Variants in VANGL1 observed in about 807,000 individuals in gnomAD.
The protein encoded by VANGL1 is vang-like protein 1.
In VANGL1, 18 loss-of-function variants were observed where a neutral mutation model predicts 48.4. That is an observed-to-expected ratio of 0.37 (90% CI 0.26 to 0.55). VANGL1 has a LOEUF of 0.55. Among genes scored for constraint, VANGL1 ranks in the 20% least tolerant of loss-of-function variants. The pLI, the probability that VANGL1 is intolerant of heterozygous loss-of-function variation, is 0.81. For synonymous variants in VANGL1, 257 were observed against 261.8 expected, an observed-to-expected ratio of 0.98 and a Z score of 0.18; for missense variants, 667 against 675.8, an observed-to-expected ratio of 0.99 and a Z score of 0.14.
rs1278993823 is a variant in VANGL1, at chr1:115,663,808, T to C, written c.352T>C (p.Phe118Leu). The stretch of plus-strand genomic sequence containing the variant: ...CTACCTGGGCCTCACCGTCGCCTCT[T>C]TTCTTGGACTTCTAGTTTTCCTCAC... ...KRYLGLTVAS[F>L]LGLLVFLTPI... is the part of the protein sequence containing the mutation. The change falls in exon 4 of 8, where the codon TTT becomes CTT. Residue 118 changes from phenylalanine (F) to leucine (L), a missense_variant. By Grantham distance (22) the Phe-to-Leu change is conservative. Coordinates refer to ENST00000355485, the MANE Select transcript of VANGL1 (RefSeq NM_138959.3). 1.2e-6 allele frequency: 2 copies of C among 1,614,178 alleles called. No homozygotes were observed. The highest frequency in any genetic ancestry group is 2.2e-5 in the South Asian group (2 of 91,080).
intron 2 of VANGL1, among the ~76,000 whole-genome samples, chr1:115,653,459 A>G (rs1331071383): frequency 1.3e-5 from 2 of 152,180 alleles, no homozygotes; most frequent in Non-Finnish European, 2.9e-5. Context: ...TCCCTTGTCA[A>G]TACCAGGCTT....
chr1:115,662,834 T>G (rs1319958149), intron 3 of VANGL1, among the ~76,000 whole-genome samples: 2 of 151,182 alleles, frequency 1.3e-5, no homozygotes, highest in Non-Finnish European at 2.9e-5. Flanking sequence ...TAGCCCAGGC[T>G]GGAGTACAGT....
At chr1:115,680,565 A>T (rs992417521) in intron 4 of VANGL1, among the ~76,000 whole-genome samples, 1 of 152,230 alleles carries the variant, frequency 6.6e-6, no homozygotes, top group South Asian at 2.1e-4. Context: ...CCAGCCTCAC[A>T]TGACTGTACA....
intron 4 of VANGL1, among the ~76,000 whole-genome samples, chr1:115,681,039 A>G (rs1363400858): frequency 6.6e-6 from 1 of 152,322 alleles, no homozygotes; most frequent in Non-Finnish European, 1.5e-5. Flanking sequence ...GGGAAGCCCA[A>G]CTTGGAGGTT....
At chr1:115,689,589 T>C (rs775711984) in intron 7 of VANGL1, among the ~76,000 whole-genome samples, 3 of 134,678 alleles carry the variant, frequency 2.2e-5, no homozygotes, top group Non-Finnish European at 3.2e-5. Context: ...TGAGCTGAGA[T>C]CGTGCCATTG....
rs10923204 is a variant in VANGL1, at chr1:115,694,402, G to T, written c.*3023G>T. 0.25 allele frequency: 38,135 copies of T among 152,062 alleles called. 4,823 individuals carry two copies. Among genetic ancestry groups the T allele is most frequent in the South Asian group, 0.29 (1,416 of 4,826 alleles). The allele number at this position is 152,062 out of a possible 1,614,324, so 9.4% of individuals were successfully genotyped here. A position where few individuals can be genotyped will look rare whatever the true frequency, so the allele number is the denominator to read the frequency against. ...TTGCTGTGTTGTAGTTCATTGCCTGGGGCTTGGGACTCCTTTTTTAATGGA... is the reference window on the plus strand; with the variant it reads ...TTGCTGTGTTGTAGTTCATTGCCTGTGGCTTGGGACTCCTTTTTTAATGGA... On this transcript the variant is annotated 3_prime_UTR_variant, in exon 8 of 8. Transcript: ENST00000355485.
At chr1:115,691,098 G>T in intron 7 of VANGL1, 21 bp from the exon 8 acceptor site, 1 of 1,614,108 alleles carries the variant, frequency 6.2e-7, no homozygotes, top group Non-Finnish European at 8.5e-7. Context: ...TTCCCTAATG[G>T]CCTTTCTCCT....
intron 4 of VANGL1, among the ~76,000 whole-genome samples, chr1:115,667,609 G>T (rs1652840747): frequency 6.6e-6 from 1 of 152,160 alleles, no homozygotes; most frequent in Non-Finnish European, 1.5e-5. Flanking sequence ...GCACCTTCCT[G>T]TGCATCACAC....
chr1:115,685,215 G>T (rs1469670702), intron 6 of VANGL1, 78 bp from the exon 7 acceptor site: 2 of 1,524,542 alleles, frequency 1.3e-6, no homozygotes, highest in Non-Finnish European at 1.8e-6. Context: ...GGCCGCAGCA[G>T]GGTAGACAAG....
intron 1 of VANGL1, among the ~76,000 whole-genome samples, chr1:115,651,005 G>A (rs932236625): frequency 1.3e-5 from 2 of 152,078 alleles, no homozygotes; most frequent in African/African-American, 4.8e-5. Context: ...GCAGGGGTCA[G>A]GTCATCCTGA....
At position 115,694,840 on chromosome 1, in the gene VANGL1, C is replaced by T. The variant is rs573111934; in HGVS notation, c.*3461C>T. Reference sequence around the variant, plus strand: ...TCAGACATCTTAACATCTGTGTTATCTGTAGCAGGTGTGTAGCTCAGCAGA... The same window carrying T: ...TCAGACATCTTAACATCTGTGTTATTTGTAGCAGGTGTGTAGCTCAGCAGA... On this transcript the variant is annotated 3_prime_UTR_variant, in exon 8 of 8. Transcript: ENST00000355485. 1.3e-5 allele frequency: 2 copies of T among 152,288 alleles called. No homozygotes were observed. The highest frequency in any genetic ancestry group is 3.9e-4 in the East Asian group (2 of 5,186). The allele number at this position is 152,288 out of a possible 1,614,324, so 9.4% of individuals were successfully genotyped here. A position where few individuals can be genotyped will look rare whatever the true frequency, so the allele number is the denominator to read the frequency against.
chr1:115,674,535 TCTATGATGAGAAA>T (rs1653094811), intron 4 of VANGL1, among the ~76,000 whole-genome samples: 1 of 152,230 alleles, frequency 6.6e-6, no homozygotes, highest in Non-Finnish European at 1.5e-5. Flanking sequence ...CAGATTTTAC[TCTATGATGAGAAA>T]ACTTTTTAGT....
chr1:115,691,919 A>G lies in VANGL1; in HGVS notation c.*540A>G, dbSNP rs1653854050. ...TTTGTTGCCTTAGGTTCTTCAGAGA[A>G]AGATCACAACAAAAAATGTACACTG... On this transcript the variant is annotated 3_prime_UTR_variant, in exon 8 of 8. Transcript: ENST00000355485. The G allele has an allele frequency of 6.5e-6, 1 of 154,096 alleles. No homozygotes were observed. 9.5% of individuals were successfully genotyped at this position (154,096 alleles called of 1,614,324 possible). A position where few individuals can be genotyped will look rare whatever the true frequency, so the allele number is the denominator to read the frequency against.
intron 3 of VANGL1, 122 bp from the exon 4 acceptor site, chr1:115,663,539 A>G: frequency 4.4e-6 from 6 of 1,373,106 alleles, no homozygotes; most frequent in South Asian, 1.3e-5. Flanking sequence ...TTAAGCTTTC[A>G]TTTTCTGGAA....
At chr1:115,682,562 C>T in intron 5 of VANGL1, 65 bp downstream of exon 5, 1 of 1,612,056 alleles carries the variant, frequency 6.2e-7, no homozygotes, top group East Asian at 2.2e-5. Flanking sequence ...ATTTAAGATT[C>T]ATGGTACGTT....
chr1:115,661,261 A>G (rs1386676122), intron 3 of VANGL1, among the ~76,000 whole-genome samples: 1 of 152,020 alleles, frequency 6.6e-6, no homozygotes, highest in Non-Finnish European at 1.5e-5. Context: ...GCTTAACAGG[A>G]TCCTTTGTGT....
At chr1:115,676,129 A>G (rs1653157012) in intron 4 of VANGL1, among the ~76,000 whole-genome samples, 1 of 152,158 alleles carries the variant, frequency 6.6e-6, no homozygotes, top group African/African-American at 2.4e-5. Flanking sequence ...AACCACATGC[A>G]GTGGTTGGTG....
chr1:115,673,004 A>G (rs1479727210), intron 4 of VANGL1, among the ~76,000 whole-genome samples: 1 of 152,228 alleles, frequency 6.6e-6, no homozygotes, highest in Non-Finnish European at 1.5e-5. Context: ...TGAAAGCATC[A>G]GCTATTGCAC....
intron 2 of VANGL1, among the ~76,000 whole-genome samples, chr1:115,652,755 A>G (rs1290775428): frequency 6.6e-6 from 1 of 152,190 alleles, no homozygotes; most frequent in Non-Finnish European, 1.5e-5. Flanking sequence ...TGAGCTACAT[A>G]TATCTAATTA....
Sources: gnomAD v4.1 joint callset for allele counts (sites outside exome capture counted in the v4.1 genomes callset) on GRCh38, gnomAD v4.1.1 for gene constraint, MANE v1.5 for transcripts, NCBI Gene and HGNC (gene_info 2026-07-23, HGNC 2026-07-21) for gene names.